The following CFAP299 variants were observed in gnomAD, a reference collection of about 807,000 sequenced individuals.
CFAP299 encodes cilia and flagella associated protein 299.
A neutral mutation model predicts 27.0 loss-of-function variants in CFAP299; 21 were observed. The observed-to-expected ratio is 0.78, with a 90% CI of 0.55 to 1.12. The LOEUF (loss-of-function observed/expected upper bound fraction) is 1.12, where lower values mean the gene tolerates loss of function less well. Ranked by LOEUF, CFAP299 falls within the 50% of genes most tolerant of loss-of-function variation. The pLI is 0.00. For missense variants in CFAP299, 310 were observed against 276.6 expected, an observed-to-expected ratio of 1.12 and a Z score of -0.86; for synonymous variants, 104 against 98.1, an observed-to-expected ratio of 1.06 and a Z score of -0.36.
intron 2 of CFAP299, among the ~76,000 whole-genome samples, chr4:80,494,910 T>G (rs961043941): frequency 1.3e-5 from 2 of 152,234 alleles, no homozygotes; most frequent in Non-Finnish European, 2.9e-5. Flanking sequence ...GTTCAAATTC[T>G]AGCAGGTCAG....
At position 80,396,379 on chromosome 4, in the gene CFAP299, A is replaced by G. The variant is rs539328633; in HGVS notation, c.242+33495A>G. On this transcript the variant is annotated intron_variant, in intron 2 of 5. Transcript: ENST00000358105. Reference sequence around the variant, plus strand: ...AACAGCAAACACCCATGTTTGCCTCAATCATGTTTTTGTAAACAATCACTG... The same window carrying G: ...AACAGCAAACACCCATGTTTGCCTCGATCATGTTTTTGTAAACAATCACTG... 2.6e-5 allele frequency among the ~76,000 whole-genome samples: 4 copies of G among 152,266 alleles called. No homozygotes were observed. The East Asian group carries it at 7.7e-4, about 29-fold the overall frequency.
At chr4:80,667,224 T>C (rs905316314) in intron 3 of CFAP299, among the ~76,000 whole-genome samples, 7 of 152,318 alleles carry the variant, frequency 4.6e-5, no homozygotes, top group African/African-American at 1.7e-4. Context: ...TCTACAAAGA[T>C]GTACATATTC....
At chr4:80,766,010 G>C (rs1725841791) in intron 3 of CFAP299, among the ~76,000 whole-genome samples, 1 of 151,804 alleles carries the variant, frequency 6.6e-6, no homozygotes, top group African/African-American at 2.4e-5. Context: ...GTCAATACTT[G>C]AAAAAAATGA....
chr4:80,437,114 A>G (rs1728129397), intron 2 of CFAP299, among the ~76,000 whole-genome samples: 1 of 152,162 alleles, frequency 6.6e-6, no homozygotes, highest in African/African-American at 2.4e-5. Flanking sequence ...CAGATAAATG[A>G]CTACAGTGAA....
intron 3 of CFAP299, among the ~76,000 whole-genome samples, chr4:80,699,438 C>T (rs1203487927): frequency 6.6e-5 from 10 of 152,170 alleles, no homozygotes; most frequent in Non-Finnish European, 1.0e-4. Context: ...AGCACAATTA[C>T]TACTGCACCA....
chr4:80,473,551 G>A (rs1730116455), intron 2 of CFAP299, among the ~76,000 whole-genome samples: 1 of 151,652 alleles, frequency 6.6e-6, no homozygotes, highest in Non-Finnish European at 1.5e-5. Flanking sequence ...AAAATAGGAA[G>A]AGCTCAGCCT....
rs931376109 is a variant in CFAP299, at chr4:80,384,358, A to G, written c.242+21474A>G. ...AACAAAATTATTTAGTAGTTTCTAT[A>G]TTATTCATAAATATTTTGAATAATG... On this transcript the variant is annotated intron_variant, in intron 2 of 5. Transcript: ENST00000358105. 2.6e-5 allele frequency among the ~76,000 whole-genome samples: 4 copies of G among 152,312 alleles called. No homozygotes were observed. In the East Asian group the frequency reaches 5.8e-4, roughly 22 times the overall value.
At chr4:80,755,658 C>T (rs1436873489) in intron 3 of CFAP299, among the ~76,000 whole-genome samples, 2 of 152,102 alleles carry the variant, frequency 1.3e-5, no homozygotes, top group Non-Finnish European at 1.5e-5. Context: ...GCTTAAGAAA[C>T]TCAAATGTTC....
intron 3 of CFAP299, among the ~76,000 whole-genome samples, chr4:80,602,784 A>G (rs1737424272): frequency 6.6e-6 from 1 of 152,156 alleles, no homozygotes; most frequent in Admixed American, 6.5e-5. Context: ...CTCCCGTTGC[A>G]GATCGCAAAG....
chr4:80,929,814 A>T (rs1736516151), intron 4 of CFAP299, among the ~76,000 whole-genome samples: 1 of 152,156 alleles, frequency 6.6e-6, no homozygotes, highest in Admixed American at 6.5e-5. Context: ...ATATTGTTTG[A>T]TGTGGTAAAC....
At chr4:80,475,611 AAT>A (rs1730236349) in intron 2 of CFAP299, among the ~76,000 whole-genome samples, 1 of 152,162 alleles carries the variant, frequency 6.6e-6, no homozygotes, top group South Asian at 2.1e-4. Context: ...AGGGAATAAG[AAT>A]ATCTTTTCGA....
chr4:80,959,248 A>C (rs1578269099), intron 5 of CFAP299, among the ~76,000 whole-genome samples: 1 of 130,950 alleles, frequency 7.6e-6, no homozygotes, highest in Non-Finnish European at 1.8e-5. Context: ...GATAGATATA[A>C]GACATAGATA....
At chr4:80,476,953 GCGCA>G (rs1265367010) in intron 2 of CFAP299, among the ~76,000 whole-genome samples, 4 of 127,884 alleles carry the variant, frequency 3.1e-5, no homozygotes, top group African/African-American at 1.2e-4. Context: ...GCGTGTGTGT[GCGCA>G]TGCGTGTGTG....
intron 3 of CFAP299, among the ~76,000 whole-genome samples, chr4:80,794,353 A>G (rs1727734642): frequency 6.6e-6 from 1 of 152,220 alleles, no homozygotes; most frequent in Non-Finnish European, 1.5e-5. Context: ...CTAGTGGATC[A>G]TTAGGGGTGA....
chr4:80,947,975 G>T (rs1737561419), intron 5 of CFAP299, among the ~76,000 whole-genome samples: 1 of 151,966 alleles, frequency 6.6e-6, no homozygotes, highest in Non-Finnish European at 1.5e-5. Context: ...ATTTTTCTTA[G>T]CAATTTTTAT....
the CFAP299 span, among the ~76,000 whole-genome samples, chr4:80,328,115 T>C: frequency 6.6e-6 from 1 of 152,050 alleles, no homozygotes; most frequent in African/African-American, 2.4e-5. Context: ...CCGAAAATTT[T>C]GGTTGGAGAA....
chr4:80,453,242 A>C (rs2110098548), intron 2 of CFAP299, among the ~76,000 whole-genome samples: 1 of 152,272 alleles, frequency 6.6e-6, no homozygotes, highest in Non-Finnish European at 1.5e-5. Flanking sequence ...ATATTGGAAA[A>C]GATCATGCTT....
intron 2 of CFAP299, among the ~76,000 whole-genome samples, chr4:80,500,236 A>G (rs1012576184): frequency 1.3e-5 from 2 of 152,116 alleles, no homozygotes; most frequent in African/African-American, 2.4e-5. Flanking sequence ...AGAAATTCTC[A>G]GAAGATGGTG....
intron 3 of CFAP299, among the ~76,000 whole-genome samples, chr4:80,798,765 T>A (rs1728018922): frequency 6.6e-6 from 1 of 152,044 alleles, no homozygotes; most frequent in Non-Finnish European, 1.5e-5. Flanking sequence ...CTTTATTATA[T>A]TCCTTGATTC....
Sources: gnomAD v4.1 joint callset for allele counts (sites outside exome capture counted in the v4.1 genomes callset) on GRCh38, gnomAD v4.1.1 for gene constraint, MANE v1.5 for transcripts, NCBI Gene and HGNC (gene_info 2026-07-23, HGNC 2026-07-21) for gene names.